Variants in EXOC6B observed in about 807,000 individuals in gnomAD.
The protein encoded by EXOC6B is exocyst complex component 6B.
A neutral mutation model predicts 113.5 loss-of-function variants in EXOC6B; 54 were observed. That is an observed-to-expected ratio of 0.48 (90% CI 0.38 to 0.60). The LOEUF (loss-of-function observed/expected upper bound fraction) is 0.60, where lower values mean the gene tolerates loss of function less well. Ranked by LOEUF, EXOC6B falls within the 20% of genes least tolerant of loss-of-function variation. EXOC6B has a pLI of 0.00. For missense variants in EXOC6B, 797 were observed against 977.5 expected (o/e 0.82, Z 2.46); for synonymous variants, 357 against 339.0 (o/e 1.05, Z -0.58).
At chr2:72,510,414 T>A (rs1700834615) in intron 11 of EXOC6B, among the ~76,000 whole-genome samples, 1 of 151,620 alleles carries the variant, frequency 6.6e-6, no homozygotes, top group African/African-American at 2.4e-5. Flanking sequence ...AAGGACATGG[T>A]TATAACAGTA....
intron 1 of EXOC6B, among the ~76,000 whole-genome samples, chr2:72,806,540 A>G (rs927835800): frequency 1.3e-5 from 2 of 152,196 alleles, no homozygotes; most frequent in African/African-American, 4.8e-5. Flanking sequence ...TCCTTTAGGT[A>G]TATACCCAGT....
At chr2:72,321,743 A>G (rs1687858578) in intron 20 of EXOC6B, among the ~76,000 whole-genome samples, 1 of 152,208 alleles carries the variant, frequency 6.6e-6, no homozygotes. Flanking sequence ...GAGGGCGAAG[A>G]GTCATTGCAA....
chr2:72,573,844 G>A (rs1418236947), intron 7 of EXOC6B, among the ~76,000 whole-genome samples: 6 of 152,038 alleles, frequency 3.9e-5, no homozygotes, highest in African/African-American at 9.7e-5. Context: ...GGCTGGGTGC[G>A]GTGGCTCACG....
rs371809697 is a variant in EXOC6B, at chr2:72,224,182, A to C, written c.2197-39995T>G. Among the ~76,000 whole-genome samples the C allele has an allele frequency of 1.1e-4, 17 of 152,340 alleles. No homozygotes were observed. In the East Asian group the frequency reaches 1.9e-3, roughly 17 times the overall value. On this transcript the variant is annotated intron_variant, in intron 20 of 21. Transcript: ENST00000272427. ...CAGGGAAATAGGCAACAAAGCAATG[A>C]GAAGTTGCTATTTTACACCTAACGA...
chr2:72,593,879 A>G (rs1023853359), intron 6 of EXOC6B, among the ~76,000 whole-genome samples: 13 of 152,234 alleles, frequency 8.5e-5, no homozygotes, highest in Admixed American at 4.6e-4. Flanking sequence ...CCTTGTATAT[A>G]TTAAAGAAAT....
intron 19 of EXOC6B, among the ~76,000 whole-genome samples, chr2:72,351,538 T>G (rs528937332): frequency 1.3e-5 from 2 of 152,344 alleles, no homozygotes; most frequent in South Asian, 2.1e-4. Context: ...TTTGGCTTCC[T>G]TCTTACTAAA....
At chr2:72,425,087 A>G (rs1158171478) in intron 18 of EXOC6B, among the ~76,000 whole-genome samples, 1 of 152,178 alleles carries the variant, frequency 6.6e-6, no homozygotes, top group African/African-American at 2.4e-5. Context: ...AGAACATAGC[A>G]TCACAATTTG....
chr2:72,509,640 A>G (rs2105649758), intron 11 of EXOC6B, among the ~76,000 whole-genome samples: 1 of 152,186 alleles, frequency 6.6e-6, no homozygotes, highest in South Asian at 2.1e-4. Context: ...AAATATTTAC[A>G]ACATATTGTC....
chr2:72,687,191 T>C (rs10205532), intron 6 of EXOC6B, among the ~76,000 whole-genome samples: 8,418 of 152,100 alleles, frequency 0.055, 763 homozygotes, highest in African/African-American at 0.19. Flanking sequence ...TTCATTCTTA[T>C]GTTTTTCTTA....
intron 1 of EXOC6B, among the ~76,000 whole-genome samples, chr2:72,809,707 A>G (rs928452315): frequency 6.6e-6 from 1 of 152,224 alleles, no homozygotes; most frequent in Non-Finnish European, 1.5e-5. Context: ...GCAATACTAA[A>G]TGTGTATCAA....
chr2:72,374,174 C>T (rs976444955), intron 19 of EXOC6B, among the ~76,000 whole-genome samples: 5 of 152,088 alleles, frequency 3.3e-5, no homozygotes, highest in African/African-American at 9.7e-5. Flanking sequence ...AATCCCACTG[C>T]TAGGTATTTA....
At chr2:72,407,429 C>A (rs185703289) in intron 18 of EXOC6B, among the ~76,000 whole-genome samples, 157 of 152,258 alleles carry the variant, frequency 1.0e-3, no homozygotes, top group African/African-American at 3.4e-3. Flanking sequence ...GAATTTTAGA[C>A]CAATATCCCT....
chr2:72,514,596 A>G, intron 10 of EXOC6B, 38 bp downstream of exon 10: 1 of 222,750 alleles, frequency 4.5e-6, no homozygotes, highest in Non-Finnish European at 7.7e-6. Context: ...ATAAATAAAT[A>G]AATAAATAAA....
At chr2:72,413,920 G>A (rs777986092) in intron 18 of EXOC6B, among the ~76,000 whole-genome samples, 208 of 152,258 alleles carry the variant, frequency 1.4e-3, no homozygotes, top group Non-Finnish European at 1.8e-3. Flanking sequence ...CTTTTTGGCA[G>A]ACCTACAATC....
chr2:72,605,196 A>G (rs1670674552), intron 6 of EXOC6B, among the ~76,000 whole-genome samples: 2 of 151,440 alleles, frequency 1.3e-5, no homozygotes, highest in African/African-American at 4.9e-5. Context: ...AGGCAGAAGA[A>G]TTGCTTGAAC....
chr2:72,355,999 G>A (rs1689953658), intron 19 of EXOC6B, among the ~76,000 whole-genome samples: 1 of 151,898 alleles, frequency 6.6e-6, no homozygotes, highest in South Asian at 2.1e-4. Context: ...AGATATAATT[G>A]GTAAAGCATC....
intron 6 of EXOC6B, among the ~76,000 whole-genome samples, chr2:72,653,363 A>G (rs1326823688): frequency 3.1e-5 from 4 of 130,698 alleles, no homozygotes; most frequent in Non-Finnish European, 4.7e-5. Flanking sequence ...CAATGAGAAC[A>G]CATGGACACA....
At chr2:72,605,572 C>G (rs1036169129) in intron 6 of EXOC6B, among the ~76,000 whole-genome samples, 4 of 152,122 alleles carry the variant, frequency 2.6e-5, no homozygotes, top group Admixed American at 2.0e-4. Context: ...TTTAAGTTCA[C>G]AAAATCATTG....
chr2:72,579,993 C>G (rs933642245), intron 6 of EXOC6B, among the ~76,000 whole-genome samples: 8 of 151,930 alleles, frequency 5.3e-5, no homozygotes, highest in Middle Eastern at 3.4e-3. Flanking sequence ...AAAAATTAAT[C>G]AAACCTACCT....
Sources: allele counts gnomAD v4.1 joint callset (sites outside exome capture counted in the v4.1 genomes callset), GRCh38; gene constraint gnomAD v4.1.1; transcripts MANE v1.5; gene names NCBI Gene and HGNC (gene_info 2026-07-23, HGNC 2026-07-21).